Variants in PLA2G7 observed in about 807,000 individuals in gnomAD.
PLA2G7 encodes platelet-activating factor acetylhydrolase.
PLA2G7 carries 63 observed loss-of-function variants against 49.6 expected under a neutral mutation model. The ratio of observed to expected loss-of-function variants is 1.27; its 90% CI spans 1.04 to 1.57. The LOEUF (loss-of-function observed/expected upper bound fraction) is 1.57, where lower values mean the gene tolerates loss of function less well. Among genes scored for constraint, PLA2G7 ranks in the 40% most tolerant of loss-of-function variants. The pLI, the probability that PLA2G7 is intolerant of heterozygous loss-of-function variation, is 0.00. For synonymous variants in PLA2G7, 193 were observed against 169.9 expected (o/e 1.14, Z -1.06); for missense variants, 596 against 521.2 (o/e 1.14, Z -1.40).
At chr6:46,708,463 C>A (rs1002447384) in intron 9 of PLA2G7, among the ~76,000 whole-genome samples, 2 of 152,150 alleles carry the variant, frequency 1.3e-5, no homozygotes, top group Non-Finnish European at 2.9e-5. Context: ...ATAATAATTT[C>A]TTCAACACTG....
chr6:46,705,572 C>G (rs910393615), intron 10 of PLA2G7, among the ~76,000 whole-genome samples: 1 of 152,110 alleles, frequency 6.6e-6, no homozygotes, highest in South Asian at 2.1e-4. Flanking sequence ...ATGATTCTTG[C>G]TTTTTAGTGA....
intron 1 of PLA2G7, among the ~76,000 whole-genome samples, chr6:46,733,110 G>T (rs1765785572): frequency 6.6e-6 from 1 of 152,146 alleles, no homozygotes; most frequent in Admixed American, 6.5e-5. Context: ...TTTCCCAGGG[G>T]CTCCCACTCC....
chr6:46,712,580 G>A (rs1481262274), intron 5 of PLA2G7, among the ~76,000 whole-genome samples: 2 of 152,168 alleles, frequency 1.3e-5, no homozygotes, highest in Non-Finnish European at 2.9e-5. Flanking sequence ...TGGGTAAAGG[G>A]ATGCTGTCAA....
rs201178001 is a variant in PLA2G7, at chr6:46,713,257, CTATT to C, written c.471-924_471-921del. On this transcript the variant is annotated intron_variant, in intron 5 of 11. Transcript: ENST00000274793. ...AGAATAAAAAGGAGGTAGCTAGAAA[CTATT>C]TATTTATTGCTGAAGATACAGGACC... Among the ~76,000 whole-genome samples the C allele has an allele frequency of 3.8e-3, 572 of 152,146 alleles. 2 individuals carry two copies. Among genetic ancestry groups the C allele is most frequent in the African/African-American group, 0.013 (537 of 41,478 alleles).
chr6:46,712,231 T>C, intron 6 of PLA2G7, 38 bp downstream of exon 6: 1 of 1,240,766 alleles, frequency 8.1e-7, no homozygotes, highest in Non-Finnish European at 1.2e-6. Flanking sequence ...ACATTCCCTG[T>C]AGTTGGCCAA....
chr6:46,717,034 G>T lies in PLA2G7; in HGVS notation c.172C>A (p.Arg58=), dbSNP rs543809195. 1.5e-5 allele frequency: 25 copies of T among 1,612,972 alleles called. No homozygotes were observed. The South Asian group carries it at 1.9e-4, about 12-fold the overall frequency. Residue 58 remains arginine (R), a synonymous_variant, in exon 3 of 12, where the codon CGG becomes AGG. Coordinates refer to ENST00000274793, the MANE Select transcript of PLA2G7 (RefSeq NM_005084.4). ...AASFGQTKIP[R]GNGPYSVGCT... is the part of the protein sequence containing the mutation. The stretch of plus-strand genomic sequence containing the variant: ...CCAACGGAATAAGGCCCATTTCCCC[G>T]GGGGATTTTAGTTTGGCCAAAGCTT...
At chr6:46,734,449 AG>A in intron 1 of PLA2G7, among the ~76,000 whole-genome samples, 1 of 90,380 alleles carries the variant, frequency 1.1e-5, no homozygotes, top group Non-Finnish European at 2.1e-5. Flanking sequence ...AGAGAGAGAG[AG>A]AGAGAGAGAG....
chr6:46,727,987 A>G (rs1387950099), intron 1 of PLA2G7, among the ~76,000 whole-genome samples: 1 of 152,218 alleles, frequency 6.6e-6, no homozygotes, highest in African/African-American at 2.4e-5. Flanking sequence ...AAGTGACTAA[A>G]TTTGTAGAAA....
intron 1 of PLA2G7, among the ~76,000 whole-genome samples, chr6:46,727,648 G>T (rs529675477): frequency 6.6e-6 from 1 of 152,300 alleles, no homozygotes; most frequent in East Asian, 1.9e-4. Flanking sequence ...TTAAAATAGG[G>T]AGATTATCAT....
chr6:46,706,154 G>T (rs928348690), intron 10 of PLA2G7, among the ~76,000 whole-genome samples: 1 of 152,154 alleles, frequency 6.6e-6, no homozygotes, highest in Non-Finnish European at 1.5e-5. Flanking sequence ...AGATTCCTCA[G>T]TTCTCAAGCT....
Position 46,722,892 on chromosome 6 carries a change from C to A in PLA2G7, c.-1G>T, listed in dbSNP as rs746917626. 2 of 1,591,874 alleles carry A rather than the reference C, an allele frequency of 1.3e-6. No homozygotes were observed. The highest frequency in any genetic ancestry group is 1.7e-5 in the Admixed American group (1 of 59,862). ...GCACATGCAATTTGGGTGGCACCAT[C>A]TTGGGAGCTGAGCAGCAGTTTCAGC... On this transcript the variant is annotated 5_prime_UTR_variant, in exon 2 of 12. Transcript: ENST00000274793.
At chr6:46,731,019 A>G (rs1284213417) in intron 1 of PLA2G7, among the ~76,000 whole-genome samples, 2 of 152,256 alleles carry the variant, frequency 1.3e-5, no homozygotes. Context: ...CCTAGGGACT[A>G]TTAAGTCACG....
intron 10 of PLA2G7, among the ~76,000 whole-genome samples, chr6:46,706,078 A>C (rs990068203): frequency 6.6e-6 from 1 of 152,158 alleles, no homozygotes; most frequent in South Asian, 2.1e-4. Context: ...TTCTACTTCA[A>C]ATGTTTCATC....
At chr6:46,731,101 C>T (rs1372618653) in intron 1 of PLA2G7, among the ~76,000 whole-genome samples, 1 of 152,164 alleles carries the variant, frequency 6.6e-6, no homozygotes, top group Non-Finnish European at 1.5e-5. Flanking sequence ...ATATCTCCTT[C>T]TAGTAACTTG....
Position 46,708,158 on chromosome 6 carries a change from A to G in PLA2G7, c.873T>C (p.Cys291=). The G allele has an allele frequency of 6.2e-7, 1 of 1,608,800 alleles. No homozygotes were observed. The highest frequency in any genetic ancestry group is 8.5e-7 in the Non-Finnish European group (1 of 1,175,324). The change falls in exon 10 of 12, where the codon TGT becomes TGC. Residue 291 remains cysteine (C), a synonymous_variant. Coordinates refer to ENST00000274793, the MANE Select transcript of PLA2G7 (RefSeq NM_005084.4). ...ACATCCATGCATCCAGGGCAATACC[A>G]CATCTGTAGATATTTGTTGACAATG... ...QTLSEDQRFR[C]GIALDAWMFP... is the part of the protein sequence containing the mutation.
At chr6:46,725,796 T>A (rs965916953) in intron 1 of PLA2G7, among the ~76,000 whole-genome samples, 8 of 152,198 alleles carry the variant, frequency 5.3e-5, no homozygotes, top group African/African-American at 1.9e-4. Context: ...GAGGCATTTC[T>A]AGGCTCGAAT....
rs1441279240 is a variant in PLA2G7 at position 46,704,478 on chromosome 6, T to TCTCTCTCTCTCACA, written c.*81_*82insTGTGAGAGAGAGAG. On this transcript the variant is annotated 3_prime_UTR_variant, in exon 12 of 12. Transcript: ENST00000274793. ...CTCTCTCTCTCTCTCTCTCTCTCTC[T>TCTCTCTCTCTCACA]CACACACACACACACACACACACAC... The TCTCTCTCTCTCACA allele has an allele frequency of 1.7e-4, 15 of 87,840 alleles. No individual in the cohort carries two copies. The highest frequency in any genetic ancestry group is 9.4e-4 in the Admixed American group (8 of 8,518). 5.4% of individuals were successfully genotyped at this position (87,840 alleles called of 1,614,324 possible). A position where few individuals can be genotyped will look rare whatever the true frequency, so the allele number is the denominator to read the frequency against.
chr6:46,713,233 G>C (rs1253942202), intron 5 of PLA2G7, among the ~76,000 whole-genome samples: 2 of 152,090 alleles, frequency 1.3e-5, no homozygotes, highest in Non-Finnish European at 2.9e-5. Context: ...TGTCCACAGA[G>C]AATAAAAAGG....
intron 1 of PLA2G7, among the ~76,000 whole-genome samples, chr6:46,730,384 C>G (rs1765700809): frequency 6.6e-6 from 1 of 152,120 alleles, no homozygotes; most frequent in African/African-American, 2.4e-5. Context: ...TTGGGGACTA[C>G]CAGCAGGGAT....
Sources: gnomAD v4.1 joint callset for allele counts (sites outside exome capture counted in the v4.1 genomes callset) on GRCh38, gnomAD v4.1.1 for gene constraint, MANE v1.5 for transcripts, NCBI Gene and HGNC (gene_info 2026-07-23, HGNC 2026-07-21) for gene names.